CDCP2: variants seen among roughly 807,000 people sequenced by gnomAD.
CDCP2 encodes CUB domain-containing protein 2.
Under a neutral mutation model 31.0 loss-of-function variants are expected in CDCP2, and 31 were observed. The observed-to-expected ratio is 1.00, with a 90% CI of 0.75 to 1.35. The LOEUF is 1.35. Ranked by LOEUF, CDCP2 falls within the 40% of genes most tolerant of loss-of-function variation. The pLI is 0.00. For missense variants in CDCP2, 443 were observed against 482.6 expected (o/e 0.92, Z 0.77); for synonymous variants, 206 against 207.9 (o/e 0.99, Z 0.08).
exon 5 of CDCP2, chr1:54,136,694 G>A: frequency 2.5e-6 from 1 of 399,180 alleles, no homozygotes; most frequent in South Asian, 1.3e-4. Context: ...GACCTCCTGG[G>A]CGGCACAGCT....
intron 1 of CDCP2, among the ~76,000 whole-genome samples, chr1:54,149,678 A>G (rs1055719610): frequency 1.3e-5 from 2 of 152,088 alleles, no homozygotes; most frequent in African/African-American, 2.4e-5. Context: ...ACGATCTAAC[A>G]TGCTATTTAT....
exon 2 of CDCP2, chr1:54,144,672 G>A: frequency 6.2e-7 from 1 of 1,614,232 alleles, no homozygotes; most frequent in African/African-American, 1.3e-5. Context: ...TAGGTCAAAG[G>A]CATGGAAGGT....
rs984123513 is a variant in CDCP2, at chr1:54,140,192, G to A, written c.764-86C>T. 3.5e-5 allele frequency: 46 copies of A among 1,316,994 alleles called. No individual in the cohort carries two copies. The African/African-American group carries it at 5.8e-4, about 17-fold the overall frequency. 81.6% of individuals were successfully genotyped at this position (1,316,994 alleles called of 1,614,324 possible). ...TGCAGTTACAGCTTAGGCAGCAGGT[G>A]CCACAGTGGTCCAAAAACCACCAGC... On this transcript the variant is annotated intron_variant, in intron 3 of 5. Transcript: ENST00000530059.
At position 54,133,308 on chromosome 1, in the gene CDCP2, G is replaced by A; in HGVS notation, c.1297-14C>T. The A allele has an allele frequency of 2.5e-6, 1 of 399,070 alleles. No homozygotes were observed. The allele number at this position is 399,070 out of a possible 1,614,324, so 24.7% of individuals were successfully genotyped here. Reference sequence around the variant, plus strand: ...GTTGTTTCTTCTCTGTGGGGTCACAGGGTACTCATCACACCTGAAGGAGCT... The same window carrying A: ...GTTGTTTCTTCTCTGTGGGGTCACAAGGTACTCATCACACCTGAAGGAGCT... On this transcript the variant is annotated splice_polypyrimidine_tract_variant and intron_variant, in intron 5 of 5. Coordinates refer to ENST00000530059, the Ensembl canonical transcript of CDCP2.
At chr1:54,149,568 C>T (rs140783286) in intron 1 of CDCP2, among the ~76,000 whole-genome samples, 8 of 152,196 alleles carry the variant, frequency 5.3e-5, no homozygotes, top group South Asian at 2.1e-4. Context: ...ACCTTCTCAG[C>T]GAGGCCTTCC....
chr1:54,144,284 ACCCTGTAGGTCTCACCT>A (rs987586370), intron 2 of CDCP2, 165 bp downstream of exon 2: 1 of 585,894 alleles, frequency 1.7e-6, no homozygotes, highest in African/African-American at 1.9e-5. Context: ...AGATGCTGAG[ACCCTGTAGGTCTCACCT>A]GAGCCCTGCT....
chr1:54,140,123 G>C lies in CDCP2; in HGVS notation c.764-17C>G. 6.2e-7 allele frequency: 1 copy of C among 1,608,456 alleles called. No individual in the cohort carries two copies. Among genetic ancestry groups the C allele is most frequent in the Non-Finnish European group, 8.5e-7 (1 of 1,175,856 alleles). ...GGCATTCTCCTGGATGGGGGATGGG[G>C]AGGTGGAAGGAGCAACAGTGAGGGG... On this transcript the variant is annotated splice_polypyrimidine_tract_variant and intron_variant, in intron 3 of 5. Coordinates refer to ENST00000530059, the Ensembl canonical transcript of CDCP2.
exon 5 of CDCP2, chr1:54,136,659 G>A (rs1178388491): frequency 1.3e-5 from 5 of 399,114 alleles, no homozygotes; most frequent in Non-Finnish European, 2.2e-5. Context: ...GTATCAAAGC[G>A]GGCCTGGATC....
chr1:54,135,626 G>A (rs1659244988), intron 5 of CDCP2, among the ~76,000 whole-genome samples: 1 of 152,046 alleles, frequency 6.6e-6, no homozygotes, highest in South Asian at 2.1e-4. Flanking sequence ...ATGACTTTAT[G>A]GAATGTGGTT....
chr1:54,141,002 C>T (rs766396817), intron 3 of CDCP2, 96 bp downstream of exon 3: 28 of 1,049,618 alleles, frequency 2.7e-5, no homozygotes, highest in South Asian at 9.5e-5. Context: ...CTCAAGGCTG[C>T]GGGGGGCAGA....
At chr1:54,148,472 C>G (rs6696001) in intron 1 of CDCP2, among the ~76,000 whole-genome samples, 1 of 149,936 alleles carries the variant, frequency 6.7e-6, no homozygotes, top group Non-Finnish European at 1.5e-5. Context: ...GCTAACAAAC[C>G]CTGAACCCAC....
At chr1:54,146,883 C>A (rs556904229) in intron 1 of CDCP2, among the ~76,000 whole-genome samples, 4 of 151,530 alleles carry the variant, frequency 2.6e-5, no homozygotes, top group Non-Finnish European at 5.9e-5. Flanking sequence ...CGAGACCAGC[C>A]TGGGCAACAT....
chr1:54,145,106 A>G (rs1210807344), intron 1 of CDCP2, among the ~76,000 whole-genome samples: 1 of 152,154 alleles, frequency 6.6e-6, no homozygotes, highest in Non-Finnish European at 1.5e-5. Context: ...GGCAGGGAAG[A>G]CAGACAATAA....
chr1:54,137,903 G>GA (rs1274731602), intron 4 of CDCP2: 1 of 141,318 alleles, frequency 7.1e-6, no homozygotes, highest in African/African-American at 2.7e-5. Context: ...CGGTGGTGCT[G>GA]AACTGTGTGT....
At position 54,139,910 on chromosome 1, in the gene CDCP2, C is replaced by T. The variant is rs149351262; in HGVS notation, c.960G>A (p.Ala320=). ...CCTCCTCGCTGGCCCCATCGAAGGCCGCCAGATGGTCAAAGTCACAGGTCT... is the reference window on the plus strand; with the variant it reads ...CCTCCTCGCTGGCCCCATCGAAGGCTGCCAGATGGTCAAAGTCACAGGTCT... The change falls in exon 4 of 6, where the codon GCG becomes GCA. Residue 320 remains alanine (A), a synonymous_variant. Transcript: ENST00000530059. 519 of 1,614,166 alleles carry T rather than the reference C, an allele frequency of 3.2e-4. 2 individuals are homozygous for T. The highest frequency in any genetic ancestry group is 2.0e-4 in the East Asian group (9 of 44,878).
intron 1 of CDCP2, among the ~76,000 whole-genome samples, chr1:54,151,137 G>C (rs1403390746): frequency 6.6e-6 from 1 of 152,170 alleles, no homozygotes; most frequent in Non-Finnish European, 1.5e-5. Context: ...TCTTCAGTTG[G>C]GGAAGATTTT....
At chr1:54,140,915 C>G (rs1409859852) in intron 3 of CDCP2, 183 bp downstream of exon 3, 1 of 480,028 alleles carries the variant, frequency 2.1e-6, no homozygotes, top group South Asian at 6.6e-5. Context: ...AGTAAGTCTT[C>G]GCAGAGGTGA....
At chr1:54,139,981 C>T in exon 4 of CDCP2, 1 of 1,614,172 alleles carries the variant, frequency 6.2e-7, no homozygotes. Flanking sequence ...AGGAAGAACA[C>T]CTTGACCTGG....
upstream of CDCP2, chr1:54,152,966 C>T (rs370476397): frequency 6.3e-7 from 1 of 1,588,206 alleles, no homozygotes; most frequent in South Asian, 1.1e-5. Flanking sequence ...CTCAGGTAGG[C>T]CAGGATCTCA....
Sources: allele counts gnomAD v4.1 joint callset (sites outside exome capture counted in the v4.1 genomes callset), GRCh38; gene constraint gnomAD v4.1.1; transcripts MANE v1.5; gene names NCBI Gene and HGNC (gene_info 2026-07-23, HGNC 2026-07-21).